The following COMMD10 variants were observed in gnomAD, a reference collection of about 807,000 sequenced individuals.
COMMD10 encodes COMM domain-containing protein 10.
COMMD10 carries 33 observed loss-of-function variants against 28.9 expected under a neutral mutation model. The ratio of observed to expected loss-of-function variants is 1.14; its 90% CI spans 0.87 to 1.53. The LOEUF is 1.53. Ranked by LOEUF, COMMD10 falls within the 40% of genes most tolerant of loss-of-function variation. COMMD10 has a pLI of 0.00. For missense variants in COMMD10, 310 were observed against 233.4 expected (o/e 1.33, Z -2.14); for synonymous variants, 110 against 81.7 (o/e 1.35, Z -1.87).
intron 4 of COMMD10, among the ~76,000 whole-genome samples, chr5:116,105,386 T>C (rs11950211): frequency 0.74 from 112,044 of 152,118 alleles, 41,706 homozygotes; most frequent in Non-Finnish European, 0.8. Flanking sequence ...ATTTTTGCAT[T>C]GATGTTCATC....
chr5:116,116,528 A>G (rs1751237726), intron 4 of COMMD10, among the ~76,000 whole-genome samples: 1 of 152,198 alleles, frequency 6.6e-6, no homozygotes, highest in South Asian at 2.1e-4. Context: ...TTGTAATTAT[A>G]TTCACATGCA....
intron 5 of COMMD10, among the ~76,000 whole-genome samples, chr5:116,256,874 C>T (rs1397795929): frequency 6.6e-6 from 1 of 151,746 alleles, no homozygotes; most frequent in Non-Finnish European, 1.5e-5. Flanking sequence ...TGTTTGGCAT[C>T]ACTGTCATTC....
At chr5:116,168,234 CAAA>C (rs1295836138) in intron 5 of COMMD10, among the ~76,000 whole-genome samples, 2 of 147,246 alleles carry the variant, frequency 1.4e-5, no homozygotes, top group Non-Finnish European at 3.0e-5. Flanking sequence ...TCAAAAAAGA[CAAA>C]GAAGGGCATT....
At chr5:116,284,623 C>G (rs1045577837) in intron 5 of COMMD10, among the ~76,000 whole-genome samples, 5 of 151,846 alleles carry the variant, frequency 3.3e-5, no homozygotes, top group African/African-American at 9.7e-5. Context: ...ATTATATATA[C>G]ATTGTCAGAT....
intron 5 of COMMD10, among the ~76,000 whole-genome samples, chr5:116,161,831 C>T (rs1431959997): frequency 1.3e-5 from 2 of 152,046 alleles, no homozygotes; most frequent in Non-Finnish European, 2.9e-5. Context: ...GGCAGGTGCA[C>T]TTCATATAAC....
At chr5:116,183,374 G>C (rs1748038270) in intron 5 of COMMD10, among the ~76,000 whole-genome samples, 1 of 151,972 alleles carries the variant, frequency 6.6e-6, no homozygotes, top group Non-Finnish European at 1.5e-5. Flanking sequence ...TGAAAATCTG[G>C]GTTTAGCTAG....
At chr5:116,086,888 G>T (rs1025683831) in intron 1 of COMMD10, among the ~76,000 whole-genome samples, 10 of 152,150 alleles carry the variant, frequency 6.6e-5, no homozygotes, top group African/African-American at 2.4e-4. Context: ...GAGGCACAAG[G>T]ATTCTTAGAA....
intron 4 of COMMD10, among the ~76,000 whole-genome samples, chr5:116,099,672 A>G (rs1221183121): frequency 6.6e-6 from 1 of 151,970 alleles, no homozygotes; most frequent in East Asian, 1.9e-4. Flanking sequence ...TATGCTTTTG[A>G]TTTGCATTTC....
chr5:116,181,220 T>G (rs1049644982), intron 5 of COMMD10, among the ~76,000 whole-genome samples: 4 of 152,060 alleles, frequency 2.6e-5, no homozygotes, highest in Non-Finnish European at 5.9e-5. Flanking sequence ...TTCTGTAGTG[T>G]ACTTCTCTGT....
intron 5 of COMMD10, among the ~76,000 whole-genome samples, chr5:116,220,777 C>T (rs1038881585): frequency 1.3e-5 from 2 of 152,070 alleles, no homozygotes; most frequent in African/African-American, 4.8e-5. Flanking sequence ...ATACCTATTA[C>T]CCTATGGGAA....
At chr5:116,187,852 C>G (rs941392888) in intron 5 of COMMD10, among the ~76,000 whole-genome samples, 1 of 151,300 alleles carries the variant, frequency 6.6e-6, no homozygotes, top group East Asian at 1.9e-4. Context: ...TTCTTTATAC[C>G]TTACACTTTA....
At chr5:116,095,492 A>C (rs1470871990) in intron 4 of COMMD10, among the ~76,000 whole-genome samples, 1 of 152,180 alleles carries the variant, frequency 6.6e-6, no homozygotes, top group Non-Finnish European at 1.5e-5. Flanking sequence ...GCATAAGCCC[A>C]TTGTAAGTCA....
In COMMD10 at chr5:116,162,009, T is replaced by C. The variant is rs192406281; in HGVS notation, c.510+27831T>C. ...CCTCATGTTAATGATGGTCCAATTT[T>C]CATCCCATTTAAATTGGTTATTTTC... On this transcript the variant is annotated intron_variant, in intron 5 of 6. Transcript: ENST00000274458. Among the ~76,000 whole-genome samples the C allele has an allele frequency of 3.8e-3, 582 of 152,326 alleles. 13 individuals are homozygous for C. The South Asian group carries it at 0.049, about 13-fold the overall frequency.
intron 4 of COMMD10, among the ~76,000 whole-genome samples, chr5:116,106,946 G>A (rs1750859100): frequency 6.6e-6 from 1 of 152,160 alleles, no homozygotes; most frequent in Non-Finnish European, 1.5e-5. Flanking sequence ...GCCAGTCTGT[G>A]TCTTTTAATT....
chr5:116,197,414 C>T (rs1370567728), intron 5 of COMMD10, among the ~76,000 whole-genome samples: 1 of 152,072 alleles, frequency 6.6e-6, no homozygotes, highest in Non-Finnish European at 1.5e-5. Flanking sequence ...TATGATCTTG[C>T]CCTGTTGCCC....
At chr5:116,205,220 CAAATG>C (rs1290110274) in intron 5 of COMMD10, among the ~76,000 whole-genome samples, 1 of 152,054 alleles carries the variant, frequency 6.6e-6, no homozygotes, top group East Asian at 1.9e-4. Context: ...ATTCCTTAAA[CAAATG>C]AAAGCAAACA....
chr5:116,282,926 T>C (rs932240144), intron 5 of COMMD10, among the ~76,000 whole-genome samples: 2 of 151,892 alleles, frequency 1.3e-5, no homozygotes, highest in Non-Finnish European at 2.9e-5. Flanking sequence ...CCTAAACTCA[T>C]AGTTGATAGA....
At chr5:116,292,411 C>G (rs1207208604) in intron 6 of COMMD10, 40 bp from the exon 7 acceptor site, 1 of 1,442,692 alleles carries the variant, frequency 6.9e-7, no homozygotes, top group South Asian at 1.4e-5. Context: ...GTTTCGTTCC[C>G]TTCACTAACG....
At chr5:116,189,508 T>G (rs78773184) in intron 5 of COMMD10, among the ~76,000 whole-genome samples, 2,391 of 152,298 alleles carry the variant, frequency 0.016, 63 homozygotes, top group African/African-American at 0.055. Context: ...TTTCTTCAGC[T>G]TCATCATTTT....
Sources: gnomAD v4.1 joint callset for allele counts (sites outside exome capture counted in the v4.1 genomes callset) on GRCh38, gnomAD v4.1.1 for gene constraint, MANE v1.5 for transcripts, NCBI Gene and HGNC (gene_info 2026-07-23, HGNC 2026-07-21) for gene names.